The following KALRN variants were observed in gnomAD, a reference collection of about 807,000 sequenced individuals.
KALRN encodes kalirin RhoGEF kinase.
KALRN carries 70 observed loss-of-function variants against 353.7 expected under a neutral mutation model. That is an observed-to-expected ratio of 0.20 (90% confidence interval 0.16 to 0.24). The LOEUF (loss-of-function observed/expected upper bound fraction) is 0.24, where lower values mean the gene tolerates loss of function less well. KALRN is among the 10% of genes least tolerant of loss of function. The pLI, the probability that KALRN is intolerant of heterozygous loss-of-function variation, is 1.00. For synonymous variants in KALRN, 1,391 were observed against 1,434.8 expected (o/e 0.97, Z 0.69); for missense variants, 2,791 against 3,756.7 (o/e 0.74, Z 6.72).
At chr3:124,590,462 A>G (rs1213046558) in intron 34 of KALRN, among the ~76,000 whole-genome samples, 1 of 152,206 alleles carries the variant, frequency 6.6e-6, no homozygotes, top group African/African-American at 2.4e-5. Flanking sequence ...AACTTTAAAA[A>G]TAAAAATAAA....
At chr3:124,574,524 C>A (rs984515181) in intron 34 of KALRN, among the ~76,000 whole-genome samples, 1 of 152,192 alleles carries the variant, frequency 6.6e-6, no homozygotes, top group Non-Finnish European at 1.5e-5. Flanking sequence ...GCCAATGAAC[C>A]AGCTGATGGA....
intron 34 of KALRN, among the ~76,000 whole-genome samples, chr3:124,586,752 C>T (rs919094859): frequency 3.3e-5 from 5 of 152,212 alleles, no homozygotes; most frequent in Middle Eastern, 3.4e-3. Flanking sequence ...GGTGGGTGCC[C>T]GGGGCCTTCT....
chr3:124,136,388 C>T (rs1441824747), intron 1 of KALRN, among the ~76,000 whole-genome samples: 1 of 152,162 alleles, frequency 6.6e-6, no homozygotes, highest in East Asian at 1.9e-4. Flanking sequence ...GATGCTGATG[C>T]TGCTGGTCTG....
At chr3:124,549,712 T>C (rs2070230487) in intron 33 of KALRN, among the ~76,000 whole-genome samples, 1 of 152,108 alleles carries the variant, frequency 6.6e-6, no homozygotes, top group Non-Finnish European at 1.5e-5. Context: ...GAAGGGGACA[T>C]CACTGTAGAA....
At chr3:124,285,632 T>C (rs1258658359) in intron 5 of KALRN, among the ~76,000 whole-genome samples, 1 of 152,060 alleles carries the variant, frequency 6.6e-6, no homozygotes, top group Non-Finnish European at 1.5e-5. Flanking sequence ...GCCTCCCGGG[T>C]TCAAGTGATT....
At chr3:124,503,080 A>C (rs746484673) in intron 33 of KALRN, among the ~76,000 whole-genome samples, 3 of 152,114 alleles carry the variant, frequency 2.0e-5, no homozygotes, top group Admixed American at 6.5e-5. Context: ...AAAATTCCTC[A>C]GCACTAGTAT....
Position 124,650,792 on chromosome 3 carries a change from T to TA in KALRN, c.5665-16_5665-15insA. ...TCAAAGTACACTTCTCTAAGCCTGT[T>TA]TTTCTCTCTTTTCAGAGTCTAGAAG... On this transcript the variant is annotated splice_polypyrimidine_tract_variant and intron_variant, in intron 37 of 59. Coordinates refer to ENST00000682506, the MANE Select transcript of KALRN (RefSeq NM_001388419.1). 1 of 1,529,238 alleles carries TA rather than the reference T, an allele frequency of 6.5e-7. No homozygotes were observed. The highest frequency in any genetic ancestry group is 8.7e-7 in the Non-Finnish European group (1 of 1,153,674). 94.7% of individuals were successfully genotyped at this position (1,529,238 alleles called of 1,614,324 possible). A position where few individuals can be genotyped will look rare whatever the true frequency, so the allele number is the denominator to read the frequency against.
chr3:124,350,068 C>T (rs1454780157), intron 10 of KALRN, among the ~76,000 whole-genome samples: 2 of 152,222 alleles, frequency 1.3e-5, no homozygotes, highest in African/African-American at 4.8e-5. Flanking sequence ...CCTGACCCAG[C>T]TCAATCTTCC....
Position 124,719,575 on chromosome 3 carries a change from C to T in KALRN, c.*105C>T. 8.9e-7 allele frequency: 1 copy of T among 1,129,040 alleles called. No individual in the cohort carries two copies. Among genetic ancestry groups the T allele is most frequent in the Non-Finnish European group, 1.3e-6 (1 of 799,486 alleles). 69.9% of individuals were successfully genotyped at this position (1,129,040 alleles called of 1,614,324 possible). On this transcript the variant is annotated 3_prime_UTR_variant, in exon 60 of 60. Transcript: ENST00000682506. The surrounding 1 kb of genome is among the most constrained non-coding windows in gnomAD (Gnocchi z 5.3). The stretch of plus-strand genomic sequence containing the variant: ...GTTCATCATTTCACTCCGTGCAGTT[C>T]TCTGAATTGAGAGATGTACCTCTTA...
intron 10 of KALRN, among the ~76,000 whole-genome samples, chr3:124,357,571 C>T (rs2083561365): frequency 6.6e-6 from 1 of 152,210 alleles, no homozygotes; most frequent in African/African-American, 2.4e-5. Context: ...AATGCTGTCT[C>T]CTTAATCCTT....
At chr3:124,109,643 AT>A (rs1470322658) in intron 1 of KALRN, among the ~76,000 whole-genome samples, 1 of 151,304 alleles carries the variant, frequency 6.6e-6, no homozygotes, top group Non-Finnish European at 1.5e-5. Context: ...TAAAAATGGA[AT>A]ATATTTACCA....
chr3:124,590,044 G>T (rs939043830), intron 34 of KALRN, among the ~76,000 whole-genome samples: 2 of 151,792 alleles, frequency 1.3e-5, no homozygotes, highest in Non-Finnish European at 2.9e-5. Flanking sequence ...TAAATTAAAT[G>T]TCTCAGCAGA....
chr3:124,701,821 T>C (rs1171439252), intron 56 of KALRN, among the ~76,000 whole-genome samples: 1 of 152,146 alleles, frequency 6.6e-6, no homozygotes, highest in East Asian at 1.9e-4. Context: ...TTTGTTTAAG[T>C]AGATGGGAGA....
chr3:124,386,962 A>G (rs2088450028), intron 11 of KALRN, among the ~76,000 whole-genome samples: 2 of 152,236 alleles, frequency 1.3e-5, no homozygotes, highest in Admixed American at 1.3e-4. Flanking sequence ...AAGGTTACAG[A>G]CTTTCTCAGT....
At chr3:124,073,373 A>G (rs142855716) in intron 1 of KALRN, among the ~76,000 whole-genome samples, 203 of 152,332 alleles carry the variant, frequency 1.3e-3, no homozygotes, top group African/African-American at 4.6e-3. Context: ...AACTTTACTC[A>G]AGAACAGGCA....
intron 10 of KALRN, among the ~76,000 whole-genome samples, chr3:124,357,469 C>G (rs1272703109): frequency 6.6e-6 from 1 of 152,156 alleles, no homozygotes; most frequent in African/African-American, 2.4e-5. Flanking sequence ...CTTTGTTTGG[C>G]TTTACCTTTT....
chr3:124,068,607 C>A (rs145170059), intron 1 of KALRN, among the ~76,000 whole-genome samples: 319 of 152,318 alleles, frequency 2.1e-3, no homozygotes, highest in African/African-American at 7.3e-3. Context: ...ACAAAACCCT[C>A]TTCCCCATCT....
At chr3:124,460,004 C>T (rs185136890) in intron 23 of KALRN, among the ~76,000 whole-genome samples, 65 of 152,290 alleles carry the variant, frequency 4.3e-4, no homozygotes, top group African/African-American at 1.5e-3. Context: ...GGGTTGATTC[C>T]TTCTGAGGGC....
intron 3 of KALRN, among the ~76,000 whole-genome samples, chr3:124,246,099 C>T (rs1560345875): frequency 6.6e-6 from 1 of 152,170 alleles, no homozygotes; most frequent in Non-Finnish European, 1.5e-5. Context: ...GGCCATATAC[C>T]TAGACATGGG....
Sources: gnomAD v4.1 joint callset for allele counts (sites outside exome capture counted in the v4.1 genomes callset) on GRCh38, gnomAD v4.1.1 for gene constraint, Gnocchi (gnomAD v3.1) non-coding constraint, MANE v1.5 for transcripts, NCBI Gene and HGNC (gene_info 2026-07-23, HGNC 2026-07-21) for gene names.